The following MAN2B2 variants were observed in gnomAD, a reference collection of about 807,000 sequenced individuals.
MAN2B2 encodes mannosidase alpha class 2B member 2, also known as epididymis-specific alpha-mannosidase.
Under a neutral mutation model 117.1 loss-of-function variants are expected in MAN2B2, and 106 were observed. That is an observed-to-expected ratio of 0.90 (90% CI 0.77 to 1.06). The LOEUF (loss-of-function observed/expected upper bound fraction) is 1.06. Among genes scored for constraint, MAN2B2 ranks in the 50% least tolerant of loss-of-function variants. The probability of loss-of-function intolerance (pLI) is 0.00; values close to 1 mark genes in which losing one functional copy is unlikely to be tolerated. For synonymous variants in MAN2B2, 544 were observed against 595.1 expected, an observed-to-expected ratio of 0.91 and a Z score of 1.25; for missense variants, 1,326 against 1,381.4, an observed-to-expected ratio of 0.96 and a Z score of 0.64.
chr4:6,597,030 G>C, intron 7 of MAN2B2, 83 bp from the exon 8 acceptor site: 3 of 1,385,050 alleles, frequency 2.2e-6, no homozygotes, highest in Middle Eastern at 1.8e-4. Context: ...TGCAGCCCCA[G>C]CTTCTCAGCT....
At chr4:6,596,869 C>T (rs1022094972) in intron 7 of MAN2B2, among the ~76,000 whole-genome samples, 2 of 152,160 alleles carry the variant, frequency 1.3e-5, no homozygotes, top group Admixed American at 6.5e-5. Context: ...CCAGTGCAGC[C>T]TGTCTCTCCC....
intron 5 of MAN2B2, among the ~76,000 whole-genome samples, chr4:6,591,273 T>C (rs1253761324): frequency 1.3e-5 from 2 of 152,200 alleles, no homozygotes; most frequent in Non-Finnish European, 2.9e-5. Flanking sequence ...GTTCACCCCG[T>C]GGTGAGGGAG....
chr4:6,592,985 G>A (rs762608870), intron 5 of MAN2B2, among the ~76,000 whole-genome samples, 188 bp from the exon 6 acceptor site: 3 of 152,222 alleles, frequency 2.0e-5, no homozygotes, highest in Non-Finnish European at 2.9e-5. Context: ...TCTGATGGGC[G>A]AGAAGTTGGC....
intron 10 of MAN2B2, among the ~76,000 whole-genome samples, chr4:6,602,862 G>T (rs1727384648): frequency 6.6e-6 from 1 of 151,968 alleles, no homozygotes; most frequent in Non-Finnish European, 1.5e-5. Context: ...TTTTGGTAGA[G>T]GCAGGGTCTT....
chr4:6,620,940 G>A (rs964142419), intron 18 of MAN2B2: 2 of 486,700 alleles, frequency 4.1e-6, no homozygotes, highest in Non-Finnish European at 7.3e-6. Flanking sequence ...GAAACGCCAA[G>A]AGGCCCACAG....
rs142940056 is a variant in MAN2B2 at position 6,581,798 on chromosome 4, G to A, written c.391+3300G>A. ...GCTGCCCGCCAGGGCCTGGGGCACT[G>A]GGCCTGCCCGTAAGCTCACCTTTCC... is the stretch of plus-strand genomic sequence containing the variant. On this transcript the variant is annotated intron_variant, in intron 3 of 18. Transcript: ENST00000285599. Among the ~76,000 whole-genome samples the A allele has an allele frequency of 1.7e-3, 256 of 151,710 alleles. 1 individual carries two copies. Among genetic ancestry groups the A allele is most frequent in the Admixed American group, 2.8e-3 (43 of 15,214 alleles).
At chr4:6,616,249 T>C (rs1460770468) in intron 16 of MAN2B2, among the ~76,000 whole-genome samples, 1 of 152,174 alleles carries the variant, frequency 6.6e-6, no homozygotes, top group Admixed American at 6.5e-5. Context: ...TCCAGGACCT[T>C]GAACTCAGTG....
intron 16 of MAN2B2, 51 bp from the exon 17 acceptor site, chr4:6,617,329 T>TG: frequency 7.1e-7 from 1 of 1,411,118 alleles, no homozygotes; most frequent in Non-Finnish European, 1.0e-6. Context: ...CCAGGGACAT[T>TG]GGGGTTGGTT....
intron 5 of MAN2B2, 61 bp downstream of exon 5, chr4:6,589,221 A>G (rs1726766391): frequency 7.8e-7 from 1 of 1,284,634 alleles, no homozygotes; most frequent in Admixed American, 1.7e-5. Flanking sequence ...CAGCCCCTGC[A>G]GCTGTTCTGC....
At chr4:6,602,234 C>T (rs879531492) in intron 10 of MAN2B2, among the ~76,000 whole-genome samples, 2 of 152,340 alleles carry the variant, frequency 1.3e-5, no homozygotes, top group South Asian at 2.1e-4. Context: ...CCTCATCTGT[C>T]GCAGCCTGCT....
intron 7 of MAN2B2, among the ~76,000 whole-genome samples, chr4:6,595,154 A>C (rs996761826): frequency 6.6e-6 from 1 of 152,164 alleles, no homozygotes; most frequent in Non-Finnish European, 1.5e-5. Context: ...CCTGTGCATC[A>C]TGCCTGTGTC....
At chr4:6,615,645 A>T (rs1026783885) in intron 16 of MAN2B2, among the ~76,000 whole-genome samples, 12 of 151,896 alleles carry the variant, frequency 7.9e-5, no homozygotes, top group Non-Finnish European at 1.0e-4. Flanking sequence ...AAAAAAAATT[A>T]AAAAATTAGG....
chr4:6,611,094 C>T lies in MAN2B2; in HGVS notation c.2379C>T (p.Leu793=). ...ACAATGCCTTCCCGCAGGTCATGCT[C>T]CACCGGCGGCTGTGGAACAACTTCG... ...SQGNGQVEVM[L]HRRLWNNFDW... is the part of the protein sequence containing the mutation. Residue 793 remains leucine, a synonymous_variant, in exon 15 of 19, where the codon CTC becomes CTT. Transcript: ENST00000285599. 1 of 1,613,134 alleles carries T rather than the reference C, an allele frequency of 6.2e-7. No individual in the cohort carries two copies. The highest frequency in any genetic ancestry group is 1.1e-5 in the South Asian group (1 of 91,020).
chr4:6,605,862 C>T (rs572276291), intron 11 of MAN2B2, among the ~76,000 whole-genome samples: 2 of 152,186 alleles, frequency 1.3e-5, no homozygotes, highest in Admixed American at 6.5e-5. Flanking sequence ...CATCTACCCA[C>T]CCACCTATGT....
Position 6,611,123 on chromosome 4 carries a change from G to A in MAN2B2, c.2408G>A (p.Trp803Ter). 1.2e-6 allele frequency: 2 copies of A among 1,613,794 alleles called. No homozygotes were observed. The highest frequency in any genetic ancestry group is 8.5e-7 in the Non-Finnish European group (1 of 1,179,894). Reference sequence around the variant, plus strand: ...CGGCGGCTGTGGAACAACTTCGACTGGGACCTGGGCTACAACCTCACGCTG... The same window carrying A: ...CGGCGGCTGTGGAACAACTTCGACTAGGACCTGGGCTACAACCTCACGCTG... ...LHRRLWNNFD[W>*]DLGYNLTLND... is the part of the protein sequence containing the mutation. The change falls in exon 15 of 19, where the codon TGG becomes TAG. Residue 803 changes from tryptophan to a stop codon, truncating the protein, a stop_gained. Transcript: ENST00000285599. LOFTEE classifies it high-confidence loss of function.
At chr4:6,596,704 C>G (rs1021929395) in intron 7 of MAN2B2, among the ~76,000 whole-genome samples, 1 of 152,198 alleles carries the variant, frequency 6.6e-6, no homozygotes, top group African/African-American at 2.4e-5. Context: ...GGCCTCTGTG[C>G]AGTCTAGGCC....
chr4:6,577,000 C>T (rs1167319358), intron 2 of MAN2B2, among the ~76,000 whole-genome samples: 2 of 152,188 alleles, frequency 1.3e-5, no homozygotes, highest in African/African-American at 2.4e-5. Flanking sequence ...TGCCAGCTGG[C>T]ACTAAGTCAG....
intron 9 of MAN2B2, 35 bp downstream of exon 9, chr4:6,598,389 T>C: frequency 1.9e-6 from 3 of 1,594,258 alleles, no homozygotes; most frequent in Non-Finnish European, 2.6e-6. Flanking sequence ...TGTGGCCCCT[T>C]TATGAAGGGA....
chr4:6,598,411 G>T, intron 9 of MAN2B2, 57 bp downstream of exon 9: 1 of 1,554,834 alleles, frequency 6.4e-7, no homozygotes, highest in South Asian at 1.2e-5. Context: ...AGCCTGAGGA[G>T]GTCAGGGGAG....
Sources: allele counts gnomAD v4.1 joint callset (sites outside exome capture counted in the v4.1 genomes callset), GRCh38; gene constraint gnomAD v4.1.1; transcripts MANE v1.5; gene names NCBI Gene and HGNC (gene_info 2026-07-23, HGNC 2026-07-21).